Variants in LRP6 observed in about 807,000 individuals in gnomAD.
LRP6 encodes LDL receptor related protein 6.
LRP6 carries 43 observed loss-of-function variants against 184.1 expected under a neutral mutation model. That is an observed-to-expected ratio of 0.23 (90% CI 0.18 to 0.30). The LOEUF (loss-of-function observed/expected upper bound fraction) is 0.30, where lower values mean the gene tolerates loss of function less well. Ranked by LOEUF, LRP6 falls within the 10% of genes least tolerant of loss-of-function variation. The pLI is 1.00. For missense variants in LRP6, 1,571 were observed against 2,005.3 expected (o/e 0.78, Z 4.14); for synonymous variants, 719 against 684.9 (o/e 1.05, Z -0.78).
chr12:12,171,083 T>C (rs1863025124), intron 7 of LRP6, among the ~76,000 whole-genome samples: 2 of 151,786 alleles, frequency 1.3e-5, no homozygotes, highest in Admixed American at 6.5e-5. Flanking sequence ...TGGTTAAAAC[T>C]AGGTAGTTCA....
At chr12:12,157,003 TCA>T (rs1275156184) in intron 12 of LRP6, among the ~76,000 whole-genome samples, 3 of 152,234 alleles carry the variant, frequency 2.0e-5, no homozygotes, top group African/African-American at 7.2e-5. Context: ...GAGGCTGCTC[TCA>T]CACTGCCATG....
At chr12:12,205,329 CAAA>C (rs56169717) in intron 2 of LRP6, among the ~76,000 whole-genome samples, 9 of 39,106 alleles carry the variant, frequency 2.3e-4, no homozygotes, top group African/African-American at 4.5e-4. Context: ...CTCAAACAAA[CAAA>C]AAAAAAAAAA....
intron 19 of LRP6, among the ~76,000 whole-genome samples, chr12:12,127,779 T>A (rs1023358735): frequency 6.6e-6 from 1 of 152,154 alleles, no homozygotes; most frequent in African/African-American, 2.4e-5. Flanking sequence ...CAGTTGCAGA[T>A]CCTTTAAAAA....
Position 12,191,839 on chromosome 12 carries a change from A to T in LRP6, c.648-4720T>A, listed in dbSNP as rs1863625189. On this transcript the variant is annotated intron_variant, in intron 3 of 22. Transcript: ENST00000261349. ...AACATAATACATAAAGAAAAAAATG[A>T]AAAGGAAGAAATATTACATAATAGA... 2.0e-5 allele frequency among the ~76,000 whole-genome samples: 3 copies of T among 151,774 alleles called. 1 individual carries two copies. The South Asian group carries it at 6.2e-4, about 31-fold the overall frequency.
intron 12 of LRP6, among the ~76,000 whole-genome samples, chr12:12,157,269 ACTT>A (rs1862613412): frequency 6.6e-6 from 1 of 151,742 alleles, no homozygotes; most frequent in Admixed American, 6.6e-5. Flanking sequence ...CTCATTAACA[ACTT>A]CTGCTTGCTC....
At chr12:12,131,354 C>T (rs1328704116) in intron 18 of LRP6, among the ~76,000 whole-genome samples, 11 of 151,576 alleles carry the variant, frequency 7.3e-5, no homozygotes, top group African/African-American at 2.2e-4. Context: ...GTGATCCGCC[C>T]GCCTCGGCCT....
intron 1 of LRP6, among the ~76,000 whole-genome samples, chr12:12,262,430 C>T (rs913580281): frequency 2.6e-4 from 40 of 151,586 alleles, no homozygotes; most frequent in Non-Finnish European, 5.2e-4. Context: ...TGGTGGCAGG[C>T]ACCTGTAGTC....
chr12:12,177,542 T>C (rs1379570472), intron 7 of LRP6, among the ~76,000 whole-genome samples: 2 of 152,186 alleles, frequency 1.3e-5, no homozygotes, highest in Non-Finnish European at 2.9e-5. Flanking sequence ...AGGACTAATT[T>C]AGACGAAGAG....
At chr12:12,255,894 A>G (rs1185681164) in intron 1 of LRP6, among the ~76,000 whole-genome samples, 1 of 152,030 alleles carries the variant, frequency 6.6e-6, no homozygotes. Flanking sequence ...TATTTACAGT[A>G]TAAGTACTAT....
At chr12:12,187,382 G>A (rs896960712) in intron 3 of LRP6, 26 of 476,924 alleles carry the variant, frequency 5.5e-5, no homozygotes, top group South Asian at 1.1e-4. Flanking sequence ...CAAGATACCC[G>A]GCAGAGAGAG....
chr12:12,186,107 C>G (rs187069117), intron 4 of LRP6, among the ~76,000 whole-genome samples: 119 of 152,078 alleles, frequency 7.8e-4, no homozygotes, highest in Admixed American at 1.6e-3. Context: ...CTTGGCCTCC[C>G]AAAGTGTGGG....
chr12:12,252,801 T>A (rs552381209), intron 1 of LRP6, among the ~76,000 whole-genome samples: 5 of 152,348 alleles, frequency 3.3e-5, no homozygotes, highest in Non-Finnish European at 5.9e-5. Context: ...TTTTCCTTGA[T>A]AATCTTGATA....
intron 1 of LRP6, among the ~76,000 whole-genome samples, chr12:12,264,521 G>A (rs1865707716): frequency 6.6e-6 from 1 of 152,068 alleles, no homozygotes; most frequent in Non-Finnish European, 1.5e-5. Flanking sequence ...ATTCAACAGG[G>A]CTACAGGACA....
intron 22 of LRP6, among the ~76,000 whole-genome samples, chr12:12,122,698 G>GAC (rs749209679): frequency 1.8e-4 from 27 of 152,162 alleles, no homozygotes; most frequent in Non-Finnish European, 3.8e-4. Context: ...CAGGCGTGGT[G>GAC]ACACACACCT....
At chr12:12,249,702 A>G (rs1034816510) in intron 1 of LRP6, among the ~76,000 whole-genome samples, 2 of 143,932 alleles carry the variant, frequency 1.4e-5, no homozygotes, top group African/African-American at 5.0e-5. Context: ...GAAGGAAGGA[A>G]GGAAGGAAGG....
intron 14 of LRP6, 56 bp from the exon 15 acceptor site, chr12:12,147,612 A>T: frequency 7.6e-7 from 1 of 1,311,874 alleles, no homozygotes; most frequent in Non-Finnish European, 1.1e-6. Flanking sequence ...ACATAAAATG[A>T]GGATATTCTT....
intron 7 of LRP6, among the ~76,000 whole-genome samples, chr12:12,171,521 C>CA (rs1295835187): frequency 1.6e-5 from 2 of 123,258 alleles, no homozygotes; most frequent in East Asian, 2.3e-4. Flanking sequence ...AACTCAGTCT[C>CA]AAAAAAAAAT....
chr12:12,233,781 T>C (rs7305273), intron 2 of LRP6, among the ~76,000 whole-genome samples: 8,109 of 152,192 alleles, frequency 0.053, 723 homozygotes, highest in African/African-American at 0.19. Context: ...AGAAAAAATA[T>C]TTTTTAGAGA....
chr12:12,122,259 G>A (rs1949616113), intron 22 of LRP6, among the ~76,000 whole-genome samples: 1 of 152,178 alleles, frequency 6.6e-6, no homozygotes, highest in Non-Finnish European at 1.5e-5. Flanking sequence ...TCTGACCTAA[G>A]TTCTGGCTTT....
Sources: gnomAD v4.1 joint callset for allele counts (sites outside exome capture counted in the v4.1 genomes callset) on GRCh38, gnomAD v4.1.1 for gene constraint, MANE v1.5 for transcripts, NCBI Gene and HGNC (gene_info 2026-07-23, HGNC 2026-07-21) for gene names.